The following LOC400499 variants were observed in gnomAD, a reference collection of about 807,000 sequenced individuals.
At chr16:11,398,977 G>A in the LOC400499 span, among the ~76,000 whole-genome samples, 7 of 152,204 alleles carry the variant, frequency 4.6e-5, no homozygotes, top group African/African-American at 1.7e-4. Flanking sequence ...CACTTAGGGG[G>A]CCATGCCTAA....
At chr16:11,494,972 G>A in the LOC400499 span, among the ~76,000 whole-genome samples, 1 of 152,176 alleles carries the variant, frequency 6.6e-6, no homozygotes, top group East Asian at 1.9e-4. Context: ...ACTTTGGGAG[G>A]CCAAGGCAGG....
the LOC400499 span, chr16:11,383,643 A>AC: frequency 8.1e-7 from 1 of 1,232,206 alleles, no homozygotes; most frequent in Non-Finnish European, 1.0e-6. Context: ...GCAGCTTACC[A>AC]CACTGTGGAG....
the LOC400499 span, among the ~76,000 whole-genome samples, chr16:11,432,877 T>G: frequency 5.3e-5 from 8 of 152,228 alleles, no homozygotes; most frequent in Non-Finnish European, 1.0e-4. Flanking sequence ...TCAGCTGAGC[T>G]CTAAATAACA....
At chr16:11,510,115 G>T in the LOC400499 span, among the ~76,000 whole-genome samples, 1 of 151,650 alleles carries the variant, frequency 6.6e-6, no homozygotes, top group Admixed American at 6.6e-5. Context: ...CACAGCCATG[G>T]TGTTAAACTT....
chr16:11,386,879 G>T, the LOC400499 span, among the ~76,000 whole-genome samples: 1 of 152,252 alleles, frequency 6.6e-6, no homozygotes, highest in East Asian at 1.9e-4. Flanking sequence ...CCCGCAGGGA[G>T]GGAGCTGGCC....
chr16:11,424,418 C>T, the LOC400499 span: 1 of 399,048 alleles, frequency 2.5e-6, no homozygotes, highest in Non-Finnish European at 4.4e-6. Flanking sequence ...CGCATTTAGT[C>T]AGGATGGGAA....
chr16:11,492,784 CAA>C, the LOC400499 span, among the ~76,000 whole-genome samples: 3,517 of 140,326 alleles, frequency 0.025, 138 homozygotes, highest in African/African-American at 0.086. Flanking sequence ...GACTCCGTCT[CAA>C]AAAAAAAAAA....
chr16:11,482,896 A>AC, the LOC400499 span, among the ~76,000 whole-genome samples: 2 of 152,058 alleles, frequency 1.3e-5, no homozygotes, highest in Admixed American at 1.3e-4. Flanking sequence ...CAACTCAAAA[A>AC]AAAAAAAAAG....
chr16:11,432,140 G>A, the LOC400499 span, among the ~76,000 whole-genome samples: 4 of 152,134 alleles, frequency 2.6e-5, no homozygotes, highest in African/African-American at 7.2e-5. Flanking sequence ...GTCCACCCCC[G>A]TCCTCAGCCC....
the LOC400499 span, chr16:11,494,668 G>C: frequency 5.0e-6 from 2 of 399,356 alleles, no homozygotes; most frequent in South Asian, 2.5e-4. Context: ...GCAGCTGGCC[G>C]CAGGGCCCGT....
At chr16:11,407,724 G>C in the LOC400499 span, among the ~76,000 whole-genome samples, 2 of 152,106 alleles carry the variant, frequency 1.3e-5, no homozygotes, top group Non-Finnish European at 2.9e-5. Context: ...TCCAAGTGTG[G>C]ATCTACCACT....
At chr16:11,426,174 G>A in the LOC400499 span, among the ~76,000 whole-genome samples, 50 of 152,224 alleles carry the variant, frequency 3.3e-4, no homozygotes, top group African/African-American at 1.1e-3. Flanking sequence ...GGTGGCTCAC[G>A]CCTGTAATCC....
the LOC400499 span, among the ~76,000 whole-genome samples, chr16:11,413,718 GCATCTT>G: frequency 6.6e-6 from 1 of 152,216 alleles, no homozygotes; most frequent in Non-Finnish European, 1.5e-5. Flanking sequence ...CAGACCATCA[GCATCTT>G]CTTCTTCATC....
At chr16:11,422,990 G>A in the LOC400499 span, among the ~76,000 whole-genome samples, 1 of 150,790 alleles carries the variant, frequency 6.6e-6, no homozygotes, top group Non-Finnish European at 1.5e-5. Context: ...CCTGGGAACT[G>A]GGAGTCCAGG....
chr16:11,470,987 T>A, the LOC400499 span, among the ~76,000 whole-genome samples: 1 of 152,112 alleles, frequency 6.6e-6, no homozygotes, highest in Middle Eastern at 3.4e-3. Flanking sequence ...GGGCAGTGAG[T>A]CTGGAGGAGA....
chr16:11,443,959 G>A, the LOC400499 span, among the ~76,000 whole-genome samples: 7 of 151,918 alleles, frequency 4.6e-5, no homozygotes, highest in South Asian at 2.1e-4. Context: ...CTAAGCCTCC[G>A]GGGTAGCTGG....
the LOC400499 span, chr16:11,516,439 C>A: frequency 2.5e-6 from 1 of 397,676 alleles, no homozygotes. Context: ...AACCCCACAT[C>A]CCCCCACTAG....
the LOC400499 span, chr16:11,491,654 G>GCCCCCACCCCAC: frequency 3.7e-6 from 1 of 269,412 alleles, no homozygotes; most frequent in Non-Finnish European, 6.9e-6. Context: ...TGCCCTCCCA[G>GCCCCCACCCCAC]CCCCACCCCT....
the LOC400499 span, among the ~76,000 whole-genome samples, chr16:11,413,315 G>A: frequency 6.6e-6 from 1 of 152,188 alleles, no homozygotes; most frequent in African/African-American, 2.4e-5. Context: ...ACAGGGCTGA[G>A]ATCCTTTGCA....
Sources: allele counts gnomAD v4.1 joint callset (sites outside exome capture counted in the v4.1 genomes callset), GRCh38; gene constraint gnomAD v4.1.1; transcripts MANE v1.5.